The following MCTP1 variants were observed in gnomAD, a reference collection of about 807,000 sequenced individuals.
MCTP1 encodes multiple C2 and transmembrane domain containing 1.
A neutral mutation model predicts 120.6 loss-of-function variants in MCTP1; 69 were observed. The ratio of observed to expected loss-of-function variants is 0.57; its 90% confidence interval spans 0.47 to 0.70. MCTP1 has a LOEUF of 0.70. MCTP1 is among the 30% of genes least tolerant of loss of function. The pLI is 0.00. For missense variants in MCTP1, 1,203 were observed against 1,248.8 expected (o/e 0.96, Z 0.55); for synonymous variants, 529 against 493.1 (o/e 1.07, Z -0.96).
intron 1 of MCTP1, among the ~76,000 whole-genome samples, chr5:95,230,201 T>A (rs1300441696): frequency 1.9e-5 from 2 of 107,762 alleles, no homozygotes; most frequent in African/African-American, 6.5e-5. Context: ...TGTGTATATA[T>A]ATACACACAC....
At chr5:95,055,668 T>C (rs1037713336) in intron 1 of MCTP1, among the ~76,000 whole-genome samples, 4 of 152,176 alleles carry the variant, frequency 2.6e-5, no homozygotes, top group Non-Finnish European at 5.9e-5. Flanking sequence ...TGTGGTGTGA[T>C]AGAAAGGGCT....
intron 1 of MCTP1, among the ~76,000 whole-genome samples, chr5:95,133,382 T>C (rs1174894472): frequency 6.6e-6 from 1 of 152,222 alleles, no homozygotes; most frequent in Non-Finnish European, 1.5e-5. Flanking sequence ...AACAATATAC[T>C]GTAATAAGGC....
chr5:95,052,511 C>G (rs1284801038), intron 1 of MCTP1, among the ~76,000 whole-genome samples: 1 of 152,196 alleles, frequency 6.6e-6, no homozygotes, highest in Non-Finnish European at 1.5e-5. Flanking sequence ...CAAGTACTCT[C>G]CTGCCACTCC....
chr5:95,099,458 C>T (rs111523835), intron 1 of MCTP1, among the ~76,000 whole-genome samples: 7,058 of 151,902 alleles, frequency 0.046, 208 homozygotes, highest in Non-Finnish European at 0.073. Flanking sequence ...AAAAAGTGGG[C>T]GAAGGACATG....
chr5:94,824,716 C>T (rs1786551677), intron 17 of MCTP1, among the ~76,000 whole-genome samples: 1 of 152,088 alleles, frequency 6.6e-6, no homozygotes, highest in Non-Finnish European at 1.5e-5. Context: ...AGTTTCAGAA[C>T]TTGTTATTGG....
At chr5:94,976,473 A>G (rs1828133333) in intron 2 of MCTP1, among the ~76,000 whole-genome samples, 1 of 152,082 alleles carries the variant, frequency 6.6e-6, no homozygotes, top group Admixed American at 6.6e-5. Context: ...ATAAATAAAT[A>G]ATAAAAGTAC....
intron 2 of MCTP1, among the ~76,000 whole-genome samples, chr5:95,005,836 C>T (rs1562004295): frequency 1.3e-5 from 2 of 151,416 alleles, no homozygotes; most frequent in Non-Finnish European, 2.9e-5. Context: ...ATTAATATAA[C>T]ATACATTTAA....
At chr5:95,111,349 A>G (rs1315335577) in intron 1 of MCTP1, among the ~76,000 whole-genome samples, 2 of 152,188 alleles carry the variant, frequency 1.3e-5, no homozygotes, top group East Asian at 1.9e-4. Context: ...GGGAAATTAC[A>G]TCATGATAGT....
At chr5:94,922,119 A>G (rs1204538128) in intron 7 of MCTP1, among the ~76,000 whole-genome samples, 1 of 152,214 alleles carries the variant, frequency 6.6e-6, no homozygotes, top group African/African-American at 2.4e-5. Flanking sequence ...TCAACTCTTC[A>G]TTGTCATAGG....
chr5:95,088,557 C>T (rs771562878), intron 1 of MCTP1, among the ~76,000 whole-genome samples: 1 of 152,128 alleles, frequency 6.6e-6, no homozygotes, highest in Non-Finnish European at 1.5e-5. Context: ...CTGATGCTTA[C>T]GGAGGTGAAG....
At chr5:95,168,973 G>C (rs1487401954) in intron 1 of MCTP1, among the ~76,000 whole-genome samples, 1 of 152,056 alleles carries the variant, frequency 6.6e-6, no homozygotes, top group Non-Finnish European at 1.5e-5. Flanking sequence ...CCTGTCTTGT[G>C]CCAGTTTTCA....
chr5:95,260,460 A>G (rs527392592), intron 1 of MCTP1, among the ~76,000 whole-genome samples: 2 of 152,280 alleles, frequency 1.3e-5, no homozygotes, highest in African/African-American at 4.8e-5. Context: ...AGGGTTCCAG[A>G]CTGCGCAAAA....
intron 18 of MCTP1, among the ~76,000 whole-genome samples, chr5:94,787,448 T>C (rs901338561): frequency 1.3e-5 from 2 of 152,132 alleles, no homozygotes; most frequent in African/African-American, 4.8e-5. Flanking sequence ...CCTACAGGCT[T>C]AAAACCAAGA....
At chr5:95,228,447 T>G (rs1754533958) in intron 1 of MCTP1, among the ~76,000 whole-genome samples, 2 of 139,664 alleles carry the variant, frequency 1.4e-5, no homozygotes, top group South Asian at 4.8e-4. Flanking sequence ...GCCAAAAACT[T>G]AGAAAAACTT....
intron 1 of MCTP1, among the ~76,000 whole-genome samples, chr5:95,040,800 A>C (rs1842215596): frequency 6.6e-6 from 1 of 152,184 alleles, no homozygotes; most frequent in African/African-American, 2.4e-5. Context: ...CAATCAGGGT[A>C]AATCTTGGGA....
chr5:94,881,538 A>T (rs1276694864), intron 12 of MCTP1, among the ~76,000 whole-genome samples: 1 of 152,108 alleles, frequency 6.6e-6, no homozygotes, highest in Non-Finnish European at 1.5e-5. Flanking sequence ...TCTCCAGTAC[A>T]AATATGTCGG....
chr5:94,967,606 T>C (rs912334358), intron 2 of MCTP1, among the ~76,000 whole-genome samples: 6 of 152,184 alleles, frequency 3.9e-5, no homozygotes, highest in Non-Finnish European at 7.3e-5. Context: ...AAGAGTTAAG[T>C]TAAAATTCAA....
At chr5:94,762,321 A>G (rs147488073) in intron 19 of MCTP1, among the ~76,000 whole-genome samples, 55 of 152,362 alleles carry the variant, frequency 3.6e-4, no homozygotes, top group African/African-American at 1.2e-3. Flanking sequence ...TTCTTCCAGC[A>G]TCATATTGTC....
At chr5:95,179,735 T>C (rs2152512259) in intron 1 of MCTP1, among the ~76,000 whole-genome samples, 1 of 152,288 alleles carries the variant, frequency 6.6e-6, no homozygotes, top group African/African-American at 2.4e-5. Flanking sequence ...CCTTAAAGCA[T>C]AAATCTCACA....
Sources: allele counts gnomAD v4.1 joint callset (sites outside exome capture counted in the v4.1 genomes callset), GRCh38; gene constraint gnomAD v4.1.1; transcripts MANE v1.5; gene names NCBI Gene and HGNC (gene_info 2026-07-23, HGNC 2026-07-21).